The following TEX52 variants were observed in gnomAD, a reference collection of about 807,000 sequenced individuals.
The protein encoded by TEX52 is testis expressed 52.
TEX52 carries 22 observed loss-of-function variants against 17.6 expected under a neutral mutation model. That is an observed-to-expected ratio of 1.25 (90% CI 0.89 to 1.78). TEX52 has a LOEUF of 1.78. Ranked by LOEUF, TEX52 falls within the 40% of genes most tolerant of loss-of-function variation. The pLI is 0.00. For missense variants in TEX52, 396 were observed against 372.3 expected, an observed-to-expected ratio of 1.06 and a Z score of -0.52; for synonymous variants, 168 against 147.4, an observed-to-expected ratio of 1.14 and a Z score of -1.01.
In TEX52 at chr12:2,849,496, A is replaced by G; in HGVS notation, c.653T>C (p.Phe218Ser). The change falls in exon 3 of 3, where the codon TTT (phenylalanine) becomes TCT (serine). Residue 218 changes from phenylalanine to serine, a missense_variant. Phe to Ser is a radical substitution (Grantham distance 155). Transcript: ENST00000637658. ...CATGAGCTGGAGGCCCTGGGGTTCAAACCTCCCACCAGCGGATATGTGCCG... is the reference window on the plus strand; with the variant it reads ...CATGAGCTGGAGGCCCTGGGGTTCAGACCTCCCACCAGCGGATATGTGCCG... ...KYRHISAGGR[F>S]EPQGLQLMPN... 2 of 1,536,142 alleles carry G rather than the reference A, an allele frequency of 1.3e-6. No individual in the cohort carries two copies. Among genetic ancestry groups the G allele is most frequent in the Non-Finnish European group, 1.7e-6 (2 of 1,146,908 alleles).
At chr12:2,854,331 T>C (rs1180949071) in intron 2 of TEX52, among the ~76,000 whole-genome samples, 1 of 152,228 alleles carries the variant, frequency 6.6e-6, no homozygotes, top group Non-Finnish European at 1.5e-5. Flanking sequence ...TGCCATAACA[T>C]CTAACTTTTG....
intron 2 of TEX52, among the ~76,000 whole-genome samples, chr12:2,850,913 T>C (rs1000318680): frequency 2.0e-5 from 3 of 151,564 alleles, no homozygotes; most frequent in Non-Finnish European, 4.4e-5. Context: ...CTCAAGTGAT[T>C]CGCCCGCCTT....
chr12:2,850,345 G>T (rs2098066029), intron 2 of TEX52, among the ~76,000 whole-genome samples: 1 of 151,822 alleles, frequency 6.6e-6, no homozygotes, highest in Non-Finnish European at 1.5e-5. Context: ...ATGGTGGCAG[G>T]CACCTGTAGT....
intron 2 of TEX52, among the ~76,000 whole-genome samples, chr12:2,853,493 G>C (rs537202001): frequency 4.8e-4 from 73 of 152,144 alleles, no homozygotes; most frequent in African/African-American, 1.8e-3. Context: ...GGCTGGTCTC[G>C]AACTCCTGAC....
At position 2,855,115 on chromosome 12, in the gene TEX52, G is replaced by T. The variant is rs760936412; in HGVS notation, c.404C>A (p.Thr135Lys). 2 of 1,534,096 alleles carry T rather than the reference G, an allele frequency of 1.3e-6. No individual in the cohort carries two copies. The highest frequency in any genetic ancestry group is 1.2e-5 in the South Asian group (1 of 83,940). Residue 135 changes from threonine to lysine, a missense_variant, in exon 2 of 3, where the codon ACG (threonine) becomes AAG (lysine). Transcript: ENST00000637658. ...TDSNAHRCPP[T>K]EHPIPPPSWM... ...GGAGGGAGGGGGGATGGGGTGCTCC[G>T]TGGGGGGGCATCTGTGGGCATTGGA...
At chr12:2,850,242 G>A (rs1039209183) in intron 2 of TEX52, among the ~76,000 whole-genome samples, 9 of 152,212 alleles carry the variant, frequency 5.9e-5, no homozygotes, top group Middle Eastern at 3.4e-3. Context: ...TTGGGAGGCC[G>A]AGGCGGGTGG....
intron 1 of TEX52, among the ~76,000 whole-genome samples, chr12:2,856,596 C>T (rs1303464868): frequency 2.0e-5 from 3 of 152,232 alleles, no homozygotes; most frequent in Non-Finnish European, 4.4e-5. Flanking sequence ...CTCCTAACCT[C>T]AGGTGAACCG....
intron 2 of TEX52, among the ~76,000 whole-genome samples, chr12:2,853,395 C>T (rs2098077097): frequency 1.3e-5 from 2 of 152,148 alleles, no homozygotes; most frequent in Non-Finnish European, 2.9e-5. Flanking sequence ...GCCTCAGCCT[C>T]CTGAGTAGCT....
In TEX52 at chr12:2,856,795, C is replaced by A. The variant is rs147173476; in HGVS notation, c.72+160G>T. On this transcript the variant is annotated intron_variant, in intron 1 of 2. Coordinates refer to ENST00000637658, the MANE Select transcript of TEX52 (RefSeq NM_001365174.2). The stretch of plus-strand genomic sequence containing the variant: ...CCAGGCATCTCCTCTCTGTTCTGAG[C>A]TCTGGGTTCCTAGTGTCATAGGATG... 3.9e-5 allele frequency among the ~76,000 whole-genome samples: 6 copies of A among 152,296 alleles called. No individual in the cohort carries two copies. The East Asian group carries it at 7.7e-4, about 20-fold the overall frequency.
Position 2,855,249 on chromosome 12 carries a change from C to G in TEX52, c.270G>C (p.Gln90His), listed in dbSNP as rs1468985007. The G allele has an allele frequency of 3.3e-6, 5 of 1,508,304 alleles. No homozygotes were observed. The South Asian group carries it at 4.9e-5, about 15-fold the overall frequency. The allele number at this position is 1,508,304 out of a possible 1,614,324, so 93.4% of individuals were successfully genotyped here. The change falls in exon 2 of 3, where the codon CAG becomes CAC. Residue 90 changes from glutamine to histidine, a missense_variant. Gln to His is a conservative substitution (Grantham distance 24, BLOSUM62 0). Coordinates refer to ENST00000637658, the MANE Select transcript of TEX52 (RefSeq NM_001365174.2). The part of the protein sequence containing the change: ...RLIHPWKGGA[Q>H]HTWGFHTWLD... ...GCCACGTGTGAAAGCCCCAGGTGTGCTGGGCGCCACCCTTCCAAGGGTGGA... is the reference window on the plus strand; with the variant it reads ...GCCACGTGTGAAAGCCCCAGGTGTGGTGGGCGCCACCCTTCCAAGGGTGGA...
At chr12:2,851,668 ATTTATTTTT>A (rs1461687202) in intron 2 of TEX52, among the ~76,000 whole-genome samples, 1 of 148,986 alleles carries the variant, frequency 6.7e-6, no homozygotes, top group Non-Finnish European at 1.5e-5. Flanking sequence ...TTTTAATTTT[ATTTATTTTT>A]TTTATTTTAA....
In TEX52 at chr12:2,854,916, C is replaced by T; in HGVS notation, c.603G>A (p.Gln201=). 5.2e-6 allele frequency: 8 copies of T among 1,535,140 alleles called. No homozygotes were observed. Among genetic ancestry groups the T allele is most frequent in the Non-Finnish European group, 7.0e-6 (8 of 1,146,122 alleles). Reference sequence around the variant, plus strand: ...CTTACTTCTTGAAGCTCGCTGGCGGCTGGATGTTGCCCTGGGCATCGAGTG... The same window carrying T: ...CTTACTTCTTGAAGCTCGCTGGCGGTTGGATGTTGCCCTGGGCATCGAGTG... ...APPLDAQGNI[Q]PPASFKKYRH... is the part of the protein sequence containing the mutation. Residue 201 remains glutamine (Q), a synonymous_variant, in exon 2 of 3, where the codon CAG becomes CAA. Transcript: ENST00000637658.
At chr12:2,851,286 G>A (rs2098070058) in intron 2 of TEX52, among the ~76,000 whole-genome samples, 1 of 152,240 alleles carries the variant, frequency 6.6e-6, no homozygotes, top group South Asian at 2.1e-4. Flanking sequence ...GAAGGCCTAG[G>A]ACATTACTGT....
At chr12:2,856,766 C>T (rs2098088632) in intron 1 of TEX52, among the ~76,000 whole-genome samples, 189 bp downstream of exon 1, 1 of 152,204 alleles carries the variant, frequency 6.6e-6, no homozygotes. Flanking sequence ...AGATGTGGCA[C>T]TAGCCAGGCA....
At chr12:2,855,481 G>A (rs1032095617) in intron 1 of TEX52, 35 bp from the exon 2 acceptor site, 2 of 1,389,002 alleles carry the variant, frequency 1.4e-6, no homozygotes, top group Admixed American at 2.8e-5. Context: ...GGGGAAGGTT[G>A]TGCAGACAGG....
chr12:2,856,183 T>C (rs1318277640), intron 1 of TEX52, among the ~76,000 whole-genome samples: 1 of 152,174 alleles, frequency 6.6e-6, no homozygotes, highest in Non-Finnish European at 1.5e-5. Flanking sequence ...CAACACACAG[T>C]AAGGGTAGGT....
In TEX52 at chr12:2,849,411, G is replaced by A; in HGVS notation, c.738C>T (p.His246=). Residue 246 remains histidine, a synonymous_variant, in exon 3 of 3, where the codon CAC becomes CAT. Transcript: ENST00000637658. ...CCAGCTTTAGCACCTTCTCCTGGTA[G>A]TGAGGCAGAGGGTTTGGGCAGGGCC... The part of the protein sequence containing the change: ...RSWPCPNPLP[H]YQEKVLKLAL... 6.5e-7 allele frequency: 1 copy of A among 1,536,212 alleles called. No individual in the cohort carries two copies. The highest frequency in any genetic ancestry group is 2.4e-5 in the East Asian group (1 of 40,924).
At chr12:2,853,392 C>T (rs1377716290) in intron 2 of TEX52, among the ~76,000 whole-genome samples, 2 of 152,070 alleles carry the variant, frequency 1.3e-5, no homozygotes, top group Non-Finnish European at 2.9e-5. Context: ...CCTGCCTCAG[C>T]CTCCTGAGTA....
intron 1 of TEX52, among the ~76,000 whole-genome samples, chr12:2,856,413 G>A (rs916086324): frequency 1.3e-5 from 2 of 152,190 alleles, no homozygotes; most frequent in Non-Finnish European, 2.9e-5. Context: ...TACCCAGGCT[G>A]GAGGTGCAAT....
Sources: gnomAD v4.1 joint callset for allele counts (sites outside exome capture counted in the v4.1 genomes callset) on GRCh38, gnomAD v4.1.1 for gene constraint, MANE v1.5 for transcripts, NCBI Gene and HGNC (gene_info 2026-07-23, HGNC 2026-07-21) for gene names.